Variants in SETX observed in about 807,000 individuals in gnomAD.
The protein encoded by SETX is helicase senataxin.
In SETX, 90 loss-of-function variants were observed where a neutral mutation model predicts 227.2. That is an observed-to-expected ratio of 0.40 (90% CI 0.33 to 0.47). The LOEUF (loss-of-function observed/expected upper bound fraction) is 0.47, where lower values mean the gene tolerates loss of function less well. SETX is among the 20% of genes least tolerant of loss of function. The probability of loss-of-function intolerance (pLI) is 0.91; values close to 1 mark genes in which losing one functional copy is unlikely to be tolerated. For synonymous variants in SETX, 1,210 were observed against 1,113.2 expected, an observed-to-expected ratio of 1.09 and a Z score of -1.73; for missense variants, 3,052 against 3,181.5, an observed-to-expected ratio of 0.96 and a Z score of 0.98.
chr9:132,307,585 A>G (rs1337635840), intron 11 of SETX, among the ~76,000 whole-genome samples: 1 of 152,160 alleles, frequency 6.6e-6, no homozygotes, highest in Non-Finnish European at 1.5e-5. Context: ...AACTAGAAGG[A>G]GCTGACTGAA....
intron 25 of SETX, among the ~76,000 whole-genome samples, chr9:132,267,465 T>C (rs78876351): frequency 1.3e-5 from 2 of 152,354 alleles, no homozygotes; most frequent in East Asian, 3.9e-4. Context: ...AGCCTTGGTT[T>C]CTCAGAGGAA....
chr9:132,348,508 TATACCA>T (rs966405052), intron 3 of SETX, among the ~76,000 whole-genome samples: 3 of 152,206 alleles, frequency 2.0e-5, no homozygotes, highest in Admixed American at 1.3e-4. Context: ...TAAATTATTT[TATACCA>T]ATGTGACTAA....
At chr9:132,288,994 T>C (rs1321731468) in intron 15 of SETX, among the ~76,000 whole-genome samples, 1 of 152,042 alleles carries the variant, frequency 6.6e-6, no homozygotes, top group African/African-American at 2.4e-5. Flanking sequence ...TCAAGAAAAA[T>C]GATGAGATAA....
At chr9:132,295,410 T>C (rs907594200) in intron 15 of SETX, among the ~76,000 whole-genome samples, 15 of 152,220 alleles carry the variant, frequency 9.9e-5, no homozygotes, top group Admixed American at 3.3e-4. Context: ...CGCCACCTAA[T>C]GCTCTGGGAA....
chr9:132,268,672 T>TAA (rs1842759354), intron 25 of SETX, among the ~76,000 whole-genome samples: 2 of 152,258 alleles, frequency 1.3e-5, no homozygotes, highest in Admixed American at 1.3e-4. Flanking sequence ...TTCCACTGGA[T>TAA]ATATTTAAGA....
At chr9:132,323,244 T>C (rs73659204) in intron 10 of SETX, among the ~76,000 whole-genome samples, 11,687 of 152,122 alleles carry the variant, frequency 0.077, 555 homozygotes, top group South Asian at 0.17. Flanking sequence ...ATTTATAGAT[T>C]AACTAACGTA....
intron 11 of SETX, 60 bp from the exon 12 acceptor site, chr9:132,300,863 T>C: frequency 6.9e-7 from 1 of 1,454,590 alleles, no homozygotes; most frequent in South Asian, 1.3e-5. Context: ...TTAAATAAGA[T>C]TAACTTAAAA....
In SETX at chr9:132,290,569, C is replaced by T. The variant is rs112390441; in HGVS notation, c.6107-1918G>A. Among the ~76,000 whole-genome samples the T allele has an allele frequency of 9.8e-3, 1,140 of 116,236 alleles. 22 individuals carry two copies. Among genetic ancestry groups the T allele is most frequent in the African/African-American group, 0.042 (1,060 of 25,022 alleles). 76.3% of individuals were successfully genotyped at this position (116,236 alleles called of 152,430 possible). ...TGGCCTGGGAGACAGAGCGAGACTC[C>T]GTCTCAAAAAAAAAAAAAAAAAAAA... is the stretch of plus-strand genomic sequence containing the variant. On this transcript the variant is annotated intron_variant, in intron 15 of 25. Transcript: ENST00000224140.
Position 132,264,098 on chromosome 9 carries a change from A to G in SETX, c.*141T>C, listed in dbSNP as rs1356312385. ...AAATACTGAAGATGACCAGAGGCTC[A>G]GGTGTTAAGGATGCATTTTCCATGT... On this transcript the variant is annotated 3_prime_UTR_variant, in exon 26 of 26. Transcript: ENST00000224140. 10 of 1,142,258 alleles carry G rather than the reference A, an allele frequency of 8.8e-6. No individual in the cohort carries two copies. Among genetic ancestry groups the G allele is most frequent in the South Asian group, 1.3e-5 (1 of 77,078 alleles). The allele number at this position is 1,142,258 out of a possible 1,614,324, so 70.8% of individuals were successfully genotyped here.
Position 132,302,134 on chromosome 9 carries a change from G to A in SETX, c.5375-1331C>T, listed in dbSNP as rs557670624. On this transcript the variant is annotated intron_variant, in intron 11 of 25. Coordinates refer to ENST00000224140, the MANE Select transcript of SETX (RefSeq NM_015046.7). Reference sequence around the variant, plus strand: ...GCACTCTGGGAGGCCAAGGCAGGTGGATCATGAGGTCAGGAGATCGAGAAC... The same window carrying A: ...GCACTCTGGGAGGCCAAGGCAGGTGAATCATGAGGTCAGGAGATCGAGAAC... Among the ~76,000 whole-genome samples, 16 of 152,092 alleles carry A rather than the reference G, an allele frequency of 1.1e-4. 1 individual carries two copies. The highest frequency in any genetic ancestry group is 2.2e-4 in the Non-Finnish European group (15 of 67,984).
Position 132,271,803 on chromosome 9 carries a change from G to A in SETX, c.7106C>T (p.Ala2369Val). The change falls in exon 24 of 26, where the codon GCA becomes GTA. Residue 2369 changes from alanine to valine, a missense_variant. Ala to Val is a moderately conservative substitution (Grantham distance 64). Transcript: ENST00000224140. ...GAATGCATCCACAGTGTCTACTTCT[G>A]CTGGTCTATTTACAAAAGAGAAACA... The part of the protein sequence containing the change: ...LDKEFDRKGP[A>V]EVDTVDAFQG... 6.2e-7 allele frequency: 1 copy of A among 1,612,668 alleles called. No individual in the cohort carries two copies. The highest frequency in any genetic ancestry group is 8.5e-7 in the Non-Finnish European group (1 of 1,178,794).
In SETX at chr9:132,296,557, T is replaced by A. The variant is rs186417353; in HGVS notation, c.5949+330A>T. 3.3e-3 allele frequency among the ~76,000 whole-genome samples: 489 copies of A among 149,772 alleles called. 3 individuals carry two copies. Among genetic ancestry groups the A allele is most frequent in the African/African-American group, 0.011 (465 of 40,508 alleles). ...TAACCTGGATGACAGCGAGACACTG[T>A]CTCAAAAAAAAAAAACAAAAAACCA... On this transcript the variant is annotated intron_variant, in intron 14 of 25. Transcript: ENST00000224140.
chr9:132,351,245 T>G (rs1174483347), intron 2 of SETX, among the ~76,000 whole-genome samples: 1 of 152,152 alleles, frequency 6.6e-6, no homozygotes, highest in Non-Finnish European at 1.5e-5. Flanking sequence ...CTCAAACATT[T>G]GAAGCATGAT....
chr9:132,336,377 A>T lies in SETX; in HGVS notation c.637T>A (p.Ser213Thr), dbSNP rs973474238. The T allele has an allele frequency of 3.7e-6, 6 of 1,614,146 alleles. No individual in the cohort carries two copies. The highest frequency in any genetic ancestry group is 1.6e-4 in the Middle Eastern group (1 of 6,062). ...GLLESPDIYTSSVLEKGKLIL... is the reference protein window; with the variant it reads ...GLLESPDIYTTSVLEKGKLIL... ...AGTTTACCCTTCTCTAGGACAGAAG[A>T]AGTATAAATGTCTGGACTCTCTAAA... Residue 213 changes from serine (S) to threonine (T), a missense_variant, in exon 6 of 26, where the codon TCT (serine) becomes ACT (threonine). Physicochemically the swap from Ser to Thr is moderately conservative, Grantham distance 58 (BLOSUM62 1). This residue lies in a region of SETX where 239 missense variants were observed against 240.8 expected (regional missense o/e 0.99). Coordinates refer to ENST00000224140, the MANE Select transcript of SETX (RefSeq NM_015046.7).
At chr9:132,272,875 T>C (rs199932251) in intron 23 of SETX, among the ~76,000 whole-genome samples, 1 of 127,070 alleles carries the variant, frequency 7.9e-6, no homozygotes, top group Non-Finnish European at 1.6e-5. Flanking sequence ...ATTTACTTAG[T>C]GTTAAGGTGG....
At chr9:132,310,935 A>G (rs1845618287) in intron 11 of SETX, among the ~76,000 whole-genome samples, 1 of 152,188 alleles carries the variant, frequency 6.6e-6, no homozygotes, top group South Asian at 2.1e-4. Flanking sequence ...TACAGTACAT[A>G]ATACATGTAA....
rs1846929760 is a variant in SETX, at chr9:132,327,816, C to A, written c.3782G>T (p.Ser1261Ile). Residue 1261 changes from serine to isoleucine, a missense_variant, in exon 10 of 26, where the codon AGT becomes ATT. By Grantham distance (142) the Ser-to-Ile change is moderately radical (BLOSUM62 -2). This residue lies in a region of SETX where 1,483 missense variants were observed against 1,312.0 expected (regional missense o/e 1.13). Coordinates refer to ENST00000224140, the MANE Select transcript of SETX (RefSeq NM_015046.7). The part of the protein sequence containing the change: ...KGQNRSSNYL[S>I]CRTTPAIVPP... ...CACTATAGCAGGAGTTGTTCTACAA[C>A]TTAGGTAATTTGAACTTCTATTCTG... 6.2e-7 allele frequency: 1 copy of A among 1,614,148 alleles called. No individual in the cohort carries two copies. The highest frequency in any genetic ancestry group is 2.2e-5 in the East Asian group (1 of 44,876).
At chr9:132,303,232 A>G (rs1253977628) in intron 11 of SETX, among the ~76,000 whole-genome samples, 3 of 151,586 alleles carry the variant, frequency 2.0e-5, no homozygotes, top group Admixed American at 6.6e-5. Context: ...TATGTTGCCC[A>G]GACTGCTCTC....
Position 132,326,926 on chromosome 9 carries a change from T to C in SETX, c.4672A>G (p.Thr1558Ala), listed in dbSNP as rs764920626. ...GGGCAGTATTCACCCTGGTTTTTTGTGGTTTCAAGACAATCTTTGTACTTA... is the reference window on the plus strand; with the variant it reads ...GGGCAGTATTCACCCTGGTTTTTTGCGGTTTCAAGACAATCTTTGTACTTA... Reference protein sequence around the residue: ...KCKYKDCLETTKNQGEYCPKH... With the variant: ...KCKYKDCLETAKNQGEYCPKH... The change falls in exon 10 of 26, where the codon ACA becomes GCA. Residue 1558 changes from threonine to alanine, a missense_variant. Around this residue, in one of 10 missense-constraint regions of SETX, gnomAD observed 1,483 missense variants for 1,312.0 expected, o/e 1.13. Coordinates refer to ENST00000224140, the MANE Select transcript of SETX (RefSeq NM_015046.7). 9.3e-6 allele frequency: 15 copies of C among 1,614,190 alleles called. No individual in the cohort carries two copies. The highest frequency in any genetic ancestry group is 3.3e-5 in the Admixed American group (2 of 60,032).
Sources: gnomAD v4.1 joint callset for allele counts (sites outside exome capture counted in the v4.1 genomes callset) on GRCh38, gnomAD v4.1.1 for gene constraint, gnomAD v4.1.1 regional missense constraint, MANE v1.5 for transcripts, NCBI Gene and HGNC (gene_info 2026-07-23, HGNC 2026-07-21) for gene names.